WASHC4: variants seen among roughly 807,000 people sequenced by gnomAD.
WASHC4 encodes WASH complex subunit 4.
Under a neutral mutation model 166.6 loss-of-function variants are expected in WASHC4, and 86 were observed. That is an observed-to-expected ratio of 0.52 (90% CI 0.43 to 0.62). The LOEUF (loss-of-function observed/expected upper bound fraction) is 0.62, where lower values mean the gene tolerates loss of function less well. Among genes scored for constraint, WASHC4 ranks in the 20% least tolerant of loss-of-function variants. The pLI is 0.00. For synonymous variants in WASHC4, 446 were observed against 451.6 expected, an observed-to-expected ratio of 0.99 and a Z score of 0.16; for missense variants, 1,262 against 1,382.4, an observed-to-expected ratio of 0.91 and a Z score of 1.38.
intron 29 of WASHC4, 134 bp downstream of exon 29, chr12:105,160,282 A>G: frequency 1.3e-6 from 1 of 743,634 alleles, no homozygotes. Context: ...ACTAAATGTG[A>G]TCTCAGTGAA....
intron 14 of WASHC4, among the ~76,000 whole-genome samples, chr12:105,135,063 C>T (rs556225761): frequency 1.1e-4 from 17 of 152,096 alleles, no homozygotes; most frequent in South Asian, 1.0e-3. Context: ...ACTTTCCTGA[C>T]GGTATAAGGA....
intron 18 of WASHC4, among the ~76,000 whole-genome samples, chr12:105,141,837 G>A (rs1247483774): frequency 6.6e-6 from 1 of 151,986 alleles, no homozygotes; most frequent in East Asian, 1.9e-4. Context: ...TTGTTCTGGA[G>A]AAGCTGACAT....
At chr12:105,147,826 A>AC (rs1883434417) in intron 24 of WASHC4, 1 of 582,534 alleles carries the variant, frequency 1.7e-6, no homozygotes, top group African/African-American at 2.0e-5. Flanking sequence ...AATCGCTTGA[A>AC]CCTGGGAGGC....
chr12:105,162,640 T>C (rs1362402857), intron 29 of WASHC4, 109 bp from the exon 30 acceptor site: 1 of 666,948 alleles, frequency 1.5e-6, no homozygotes, highest in African/African-American at 1.8e-5. Flanking sequence ...GATTCTATTC[T>C]ATTCTATTTA....
chr12:105,114,111 A>T, intron 2 of WASHC4, 105 bp from the exon 3 acceptor site: 5 of 955,524 alleles, frequency 5.2e-6, no homozygotes, highest in Non-Finnish European at 4.9e-6. Flanking sequence ...TGAGTACAGG[A>T]TCTAACACAA....
chr12:105,123,666 T>C (rs1394259912), intron 10 of WASHC4, among the ~76,000 whole-genome samples: 2 of 152,200 alleles, frequency 1.3e-5, no homozygotes, highest in Non-Finnish European at 2.9e-5. Context: ...TCCATAACAT[T>C]AAAGTGCAAA....
At chr12:105,158,925 T>C (rs904846164) in intron 28 of WASHC4, among the ~76,000 whole-genome samples, 2 of 152,214 alleles carry the variant, frequency 1.3e-5, no homozygotes, top group African/African-American at 2.4e-5. Context: ...TTTTAACTTT[T>C]TGATAGGCTT....
intron 24 of WASHC4, chr12:105,148,187 T>C (rs1725695584): frequency 2.0e-6 from 2 of 985,166 alleles, no homozygotes; most frequent in South Asian, 4.7e-5. Flanking sequence ...ATGAGTGATA[T>C]GATTGGAGCT....
At chr12:105,163,176 T>C (rs1437315129) in intron 30 of WASHC4, among the ~76,000 whole-genome samples, 3 of 152,138 alleles carry the variant, frequency 2.0e-5, no homozygotes, top group South Asian at 4.1e-4. Context: ...GCCAGGATGG[T>C]CTCGATCTCC....
intron 20 of WASHC4, among the ~76,000 whole-genome samples, chr12:105,143,640 G>A (rs548029741): frequency 3.8e-4 from 58 of 152,022 alleles, no homozygotes; most frequent in African/African-American, 1.4e-3. Context: ...AAGATTTAGT[G>A]TGTAACAAAA....
chr12:105,125,903 A>G (rs1881236001), intron 10 of WASHC4, 101 bp from the exon 11 acceptor site: 2 of 1,133,210 alleles, frequency 1.8e-6, no homozygotes. Flanking sequence ...TAAATGATGA[A>G]TATAGAAATT....
At chr12:105,139,066 G>A (rs950335404) in intron 15 of WASHC4, among the ~76,000 whole-genome samples, 2 of 151,878 alleles carry the variant, frequency 1.3e-5, no homozygotes, top group Admixed American at 6.6e-5. Context: ...AGCATTAATC[G>A]TTATATATGT....
At chr12:105,115,087 C>T in intron 4 of WASHC4, 97 bp from the exon 5 acceptor site, 2 of 651,636 alleles carry the variant, frequency 3.1e-6, no homozygotes, top group Non-Finnish European at 2.8e-6. Context: ...AATGATGTAG[C>T]CCTCTGTTTA....
chr12:105,140,905 G>T lies in WASHC4; in HGVS notation c.1567G>T (p.Val523Leu), dbSNP rs1426102759. ...TTCCTGTTTTATTTTTAAGAAAAGA[G>T]TGATTTCTGACAAAAAATACAGCGA... ...LHSISVAKKR[V>L]ISDKKYSEQR... The change falls in exon 17 of 33, where the codon GTG (valine) becomes TTG (leucine). Residue 523 changes from valine (V) to leucine (L), a missense_variant. Val to Leu is a conservative substitution (Grantham distance 32). Transcript: ENST00000332180. 3 of 1,613,714 alleles carry T rather than the reference G, an allele frequency of 1.9e-6. No homozygotes were observed.
At chr12:105,164,881 A>G (rs1884718814) in intron 32 of WASHC4, 141 bp downstream of exon 32, 1 of 649,412 alleles carries the variant, frequency 1.5e-6, no homozygotes, top group African/African-American at 1.8e-5. Context: ...CTTTTAAAAA[A>G]AGTAAAGCCT....
rs576886601 is a variant in WASHC4, at chr12:105,112,760, G to A, written c.202-1456G>A. Among the ~76,000 whole-genome samples the A allele has an allele frequency of 3.3e-5, 5 of 152,078 alleles. No individual in the cohort carries two copies. The East Asian group carries it at 7.7e-4, about 23-fold the overall frequency. ...ATTTTTAAATTGGGTTATCTTTTTAGTATTGCATTATAGGACAAGTATTGA... is the reference window on the plus strand; with the variant it reads ...ATTTTTAAATTGGGTTATCTTTTTAATATTGCATTATAGGACAAGTATTGA... On this transcript the variant is annotated intron_variant, in intron 2 of 32. Transcript: ENST00000332180.
chr12:105,161,335 C>CA (rs1462148135), intron 29 of WASHC4, among the ~76,000 whole-genome samples: 3 of 152,030 alleles, frequency 2.0e-5, no homozygotes, highest in South Asian at 4.1e-4. Flanking sequence ...TATGATATAG[C>CA]AAAAAATGTT....
chr12:105,151,822 T>G (rs1415081349), intron 25 of WASHC4, among the ~76,000 whole-genome samples: 1 of 152,218 alleles, frequency 6.6e-6, no homozygotes, highest in African/African-American at 2.4e-5. Context: ...TATTTAGAGA[T>G]AAATATTCAT....
At chr12:105,114,319 T>A in intron 3 of WASHC4, 43 bp from the exon 4 acceptor site, 1 of 1,594,942 alleles carries the variant, frequency 6.3e-7, no homozygotes, top group Admixed American at 1.7e-5. Flanking sequence ...TTTAGTTATC[T>A]GTAACAATTT....
Sources: allele counts gnomAD v4.1 joint callset (sites outside exome capture counted in the v4.1 genomes callset), GRCh38; gene constraint gnomAD v4.1.1; transcripts MANE v1.5; gene names NCBI Gene and HGNC (gene_info 2026-07-23, HGNC 2026-07-21).